Variants in C14orf93 observed in about 807,000 individuals in gnomAD.
C14orf93 encodes the protein chromosome 14 open reading frame 93.
A neutral mutation model predicts 44.0 loss-of-function variants in C14orf93; 23 were observed. That is an observed-to-expected ratio of 0.52 (90% CI 0.38 to 0.74). The LOEUF is 0.74. C14orf93 is among the 30% of genes least tolerant of loss of function. The probability of loss-of-function intolerance (pLI) is 0.00; values close to 1 mark genes in which losing one functional copy is unlikely to be tolerated. For missense variants in C14orf93, 579 were observed against 678.9 expected (o/e 0.85, Z 1.64); for synonymous variants, 253 against 265.7 (o/e 0.95, Z 0.46).
chr14:22,985,897 A>G lies in C14orf93; in HGVS notation c.*1318T>C, dbSNP rs910474666. ...AAAATCCTAAGTCGAACCATCGTTGAGTTGGGGACTGCCTGTAGGCAAAAC... is the reference window on the plus strand; with the variant it reads ...AAAATCCTAAGTCGAACCATCGTTGGGTTGGGGACTGCCTGTAGGCAAAAC... On this transcript the variant is annotated 3_prime_UTR_variant, in exon 7 of 7. Coordinates refer to ENST00000299088, the MANE Select transcript of C14orf93 (RefSeq NM_021944.4). The G allele has an allele frequency of 2.0e-5, 3 of 152,246 alleles. No homozygotes were observed. Among genetic ancestry groups the G allele is most frequent in the Non-Finnish European group, 4.4e-5 (3 of 68,054 alleles). The allele number at this position is 152,246 out of a possible 1,614,324, so 9.4% of individuals were successfully genotyped here.
chr14:23,006,008 G>A (rs2046603869), intron 1 of C14orf93: 1 of 152,174 alleles, frequency 6.6e-6, no homozygotes. Context: ...CTATTTAATA[G>A]ATGTGTATGA....
intron 1 of C14orf93, among the ~76,000 whole-genome samples, chr14:23,003,185 A>G (rs1413243684): frequency 6.6e-6 from 1 of 152,232 alleles, no homozygotes; most frequent in Non-Finnish European, 1.5e-5. Context: ...ATTTTAAAAC[A>G]TCACATTCAG....
intron 1 of C14orf93, chr14:23,005,515 T>C (rs2046580243): frequency 6.6e-6 from 1 of 152,142 alleles, no homozygotes; most frequent in South Asian, 2.1e-4. Context: ...AGAAGAAGTG[T>C]ATTTATTTAA....
chr14:22,992,966 G>A (rs1004246015), intron 3 of C14orf93, among the ~76,000 whole-genome samples: 2 of 151,830 alleles, frequency 1.3e-5, no homozygotes, highest in African/African-American at 2.4e-5. Flanking sequence ...TGCAACCTCC[G>A]CCTCCCAGGT....
At chr14:23,003,887 TATATATATATA>T (rs1247481635) in intron 1 of C14orf93, among the ~76,000 whole-genome samples, 67 of 17,500 alleles carry the variant, frequency 3.8e-3, no homozygotes, top group Admixed American at 5.8e-3. Flanking sequence ...TATATATATA[TATATATATATA>T]TTTTTTTTTT....
intron 5 of C14orf93, 87 bp from the exon 6 acceptor site, chr14:22,988,102 T>C: frequency 1.2e-6 from 1 of 850,790 alleles, no homozygotes; most frequent in South Asian, 1.5e-5. Flanking sequence ...CACTATTGAA[T>C]GGGAGGTTGG....
chr14:22,988,526 G>GATTTT (rs2045383694), intron 5 of C14orf93, among the ~76,000 whole-genome samples: 1 of 151,982 alleles, frequency 6.6e-6, no homozygotes, highest in African/African-American at 2.4e-5. Context: ...TATGAGACAG[G>GATTTT]GTCTCGCTCT....
In C14orf93 at chr14:22,996,762, C is replaced by T. The variant is rs113128968; in HGVS notation, c.598-494G>A. On this transcript the variant is annotated intron_variant, in intron 2 of 6. Transcript: ENST00000299088. The surrounding 1 kb of genome is among the most constrained non-coding windows in gnomAD (Gnocchi z 4.1). The stretch of plus-strand genomic sequence containing the variant: ...GGCAGCAACAGCTCCCCTCACCTAT[C>T]CTCCATTCCCAGAGTCAGTCCATGC... Among the ~76,000 whole-genome samples, 5 of 152,290 alleles carry T rather than the reference C, an allele frequency of 3.3e-5. No individual in the cohort carries two copies. Among genetic ancestry groups the T allele is most frequent in the African/African-American group, 7.2e-5 (3 of 41,568 alleles).
Position 22,987,992 on chromosome 14 carries a change from T to A in C14orf93, c.1108A>T (p.Thr370Ser). ...LKGACVAYFL[T>S]KRREYRNSLN... is the part of the protein sequence containing the mutation. Reference sequence around the variant, plus strand: ...GAGTTGCGGTACTCACGCCTCTTAGTAAGGAAGTAGGCCACACAGGCTCCT... The same window carrying A: ...GAGTTGCGGTACTCACGCCTCTTAGAAAGGAAGTAGGCCACACAGGCTCCT... The change falls in exon 6 of 7, where the codon ACT becomes TCT. Residue 370 changes from threonine (T) to serine (S), a missense_variant. By Grantham distance (58) the Thr-to-Ser change is moderately conservative (BLOSUM62 1). Coordinates refer to ENST00000299088, the MANE Select transcript of C14orf93 (RefSeq NM_021944.4). The surrounding 1 kb of genome is among the most constrained non-coding windows in gnomAD (Gnocchi z 5.6). 6.2e-7 allele frequency: 1 copy of A among 1,613,434 alleles called. No homozygotes were observed. Among genetic ancestry groups the A allele is most frequent in the South Asian group, 1.1e-5 (1 of 91,048 alleles).
chr14:22,997,483 A>G (rs1375508055), intron 2 of C14orf93, among the ~76,000 whole-genome samples: 1 of 152,056 alleles, frequency 6.6e-6, no homozygotes. Context: ...CAGAACTCCA[A>G]CCGTCTCTCA....
At position 22,998,804 on chromosome 14, in the gene C14orf93, C is replaced by T. The variant is rs371712195; in HGVS notation, c.220G>A (p.Gly74Ser). 1.1e-5 allele frequency: 18 copies of T among 1,614,084 alleles called. No individual in the cohort carries two copies. The highest frequency in any genetic ancestry group is 9.3e-5 in the African/African-American group (7 of 74,932). Residue 74 changes from glycine to serine, a missense_variant, in exon 2 of 7, where the codon GGT becomes AGT. Gly to Ser is a moderately conservative substitution (Grantham distance 56, BLOSUM62 0). Transcript: ENST00000299088. ...AGACCCAGAGCAGCTTCAGCCAAAC[C>T]CACTGCCTTATCGACCCGCTGGTAG... The part of the protein sequence containing the change: ...VIYQRVDKAV[G>S]LAEAALGLAR...
At chr14:22,991,539 C>T (rs150013419) in intron 3 of C14orf93, among the ~76,000 whole-genome samples, 106 of 151,792 alleles carry the variant, frequency 7.0e-4, no homozygotes, top group African/African-American at 2.4e-3. Context: ...GCCACCGCAC[C>T]GGGCCTGTTT....
chr14:22,997,514 T>C (rs1176790606), intron 2 of C14orf93, among the ~76,000 whole-genome samples: 2 of 152,156 alleles, frequency 1.3e-5, no homozygotes, highest in Non-Finnish European at 2.9e-5. Context: ...CATCTGTTAT[T>C]TTCCTATCTC....
rs59127513 is a variant in C14orf93 at position 22,995,823 on chromosome 14, C to T, written c.918+125G>A. The T allele has an allele frequency of 0.011, 9,953 of 870,700 alleles. 710 individuals carry two copies. The African/African-American group carries it at 0.15, about 13-fold the overall frequency. The allele number at this position is 870,700 out of a possible 1,614,324, so 53.9% of individuals were successfully genotyped here. ...TACAGAATAACCTCTCTCCTTATCC[C>T]TCCCACTCTGGTAGGATTCAGTACA... On this transcript the variant is annotated intron_variant, in intron 3 of 6. Coordinates refer to ENST00000299088, the MANE Select transcript of C14orf93 (RefSeq NM_021944.4).
At chr14:22,995,860 A>C (rs2045941252) in intron 3 of C14orf93, 88 bp downstream of exon 3, 2 of 1,281,534 alleles carry the variant, frequency 1.6e-6, no homozygotes, top group African/African-American at 1.5e-5. Flanking sequence ...CATTCATTCA[A>C]TATGGGAGGC....
At chr14:23,001,743 G>C (rs1210108749) in intron 1 of C14orf93, among the ~76,000 whole-genome samples, 1 of 149,924 alleles carries the variant, frequency 6.7e-6, no homozygotes, top group Non-Finnish European at 1.5e-5. Context: ...GGGATTACAG[G>C]TGTGAGCCAC....
chr14:22,991,254 C>T (rs1016765143), intron 3 of C14orf93, among the ~76,000 whole-genome samples: 2 of 150,624 alleles, frequency 1.3e-5, no homozygotes, highest in South Asian at 2.1e-4. Context: ...CAGCCGGGCG[C>T]GGTGGCTCAT....
At chr14:23,003,729 A>C (rs553052476) in intron 1 of C14orf93, among the ~76,000 whole-genome samples, 9 of 149,852 alleles carry the variant, frequency 6.0e-5, no homozygotes, top group African/African-American at 2.2e-4. Flanking sequence ...TGAACCCAGG[A>C]GGCAGAGGTT....
chr14:22,990,351 G>A (rs544242599), intron 3 of C14orf93, among the ~76,000 whole-genome samples: 19 of 152,290 alleles, frequency 1.2e-4, no homozygotes, highest in African/African-American at 4.6e-4. Flanking sequence ...TTCTGCTCCT[G>A]AGTAGTGTGA....
Sources: gnomAD v4.1 joint callset for allele counts (sites outside exome capture counted in the v4.1 genomes callset) on GRCh38, gnomAD v4.1.1 for gene constraint, Gnocchi (gnomAD v3.1) non-coding constraint, MANE v1.5 for transcripts, NCBI Gene and HGNC (gene_info 2026-07-23, HGNC 2026-07-21) for gene names.